OPCML: variants seen among roughly 807,000 people sequenced by gnomAD.
OPCML encodes opioid binding protein/cell adhesion molecule like, also known as opioid-binding protein/cell adhesion molecule.
In OPCML, 13 loss-of-function variants were observed where a neutral mutation model predicts 37.8. That is an observed-to-expected ratio of 0.34 (90% CI 0.22 to 0.55). The LOEUF (loss-of-function observed/expected upper bound fraction) is 0.55. Ranked by LOEUF, OPCML falls within the 20% of genes least tolerant of loss-of-function variation. The pLI, the probability that OPCML is intolerant of heterozygous loss-of-function variation, is 0.91. For synonymous variants in OPCML, 176 were observed against 168.8 expected (o/e 1.04, Z -0.33); for missense variants, 341 against 435.6 (o/e 0.78, Z 1.93).
chr11:133,390,233 A>T (rs1248796745), intron 1 of OPCML, among the ~76,000 whole-genome samples: 1 of 152,102 alleles, frequency 6.6e-6, no homozygotes, highest in African/African-American at 2.4e-5. Flanking sequence ...GCCGAGGCGG[A>T]CGGATCACGA....
At chr11:132,960,389 A>G (rs1242071719) in intron 1 of OPCML, among the ~76,000 whole-genome samples, 2 of 152,212 alleles carry the variant, frequency 1.3e-5, no homozygotes, top group Non-Finnish European at 2.9e-5. Context: ...CCACGTGTGT[A>G]AAAAGCACAA....
intron 1 of OPCML, among the ~76,000 whole-genome samples, chr11:133,430,801 A>G (rs575700505): frequency 6.6e-6 from 1 of 152,326 alleles, no homozygotes; most frequent in African/African-American, 2.4e-5. Flanking sequence ...CAATCACAAT[A>G]AAATGAGGTA....
At chr11:133,041,592 G>T (rs780784029) in intron 1 of OPCML, among the ~76,000 whole-genome samples, 1 of 152,146 alleles carries the variant, frequency 6.6e-6, no homozygotes, top group Non-Finnish European at 1.5e-5. Context: ...CAACTGCGTC[G>T]CATATACCCT....
At chr11:132,538,864 T>G (rs1435132577) in intron 3 of OPCML, among the ~76,000 whole-genome samples, 1 of 152,190 alleles carries the variant, frequency 6.6e-6, no homozygotes, top group East Asian at 1.9e-4. Context: ...CTTTTGCATG[T>G]GCTGTTCCTT....
chr11:132,667,823 C>T (rs1942287764), intron 2 of OPCML, among the ~76,000 whole-genome samples: 2 of 152,228 alleles, frequency 1.3e-5, no homozygotes, highest in Non-Finnish European at 1.5e-5. Context: ...TATAGTGGGA[C>T]TTATAGGCTA....
At chr11:132,874,952 A>G (rs1302433300) in intron 2 of OPCML, among the ~76,000 whole-genome samples, 1 of 152,202 alleles carries the variant, frequency 6.6e-6, no homozygotes, top group Non-Finnish European at 1.5e-5. Flanking sequence ...ATCAGAAATG[A>G]TTTAAGATAA....
rs150535408 is a variant in OPCML, at chr11:132,642,986, T to C, written c.379+14101A>G. Among the ~76,000 whole-genome samples, 458 of 152,302 alleles carry C rather than the reference T, an allele frequency of 3.0e-3. 6 individuals are homozygous for C. In the East Asian group the frequency reaches 0.051, roughly 17 times the overall value. On this transcript the variant is annotated intron_variant, in intron 3 of 7. Coordinates refer to ENST00000524381, the MANE Select transcript of OPCML (RefSeq NM_001012393.5). ...AAGCCCAACCCTCAGTGGCCAGCAA[T>C]GTGATTAGTTCTCAGTGGTGGTGTG...
intron 1 of OPCML, among the ~76,000 whole-genome samples, chr11:133,126,558 T>C (rs770991782): frequency 3.3e-5 from 5 of 152,218 alleles, no homozygotes; most frequent in Non-Finnish European, 7.4e-5. Context: ...CATCTAAATG[T>C]AATGTGTTAC....
At chr11:132,477,927 A>T (rs1045952400) in intron 4 of OPCML, among the ~76,000 whole-genome samples, 2 of 152,262 alleles carry the variant, frequency 1.3e-5, no homozygotes, top group Non-Finnish European at 2.9e-5. Flanking sequence ...TAAAAGGGAA[A>T]TACTTTATCA....
At chr11:133,140,887 G>GGAGAAGGAGAAGGAGA in intron 1 of OPCML, among the ~76,000 whole-genome samples, 2 of 28,232 alleles carry the variant, frequency 7.1e-5, no homozygotes, top group African/African-American at 1.3e-4. Context: ...AGACGACGAC[G>GGAGAAGGAGAAGGAGA]ACGACGAAGA....
At chr11:132,953,594 T>G (rs1945910967) in intron 1 of OPCML, among the ~76,000 whole-genome samples, 1 of 152,212 alleles carries the variant, frequency 6.6e-6, no homozygotes. Flanking sequence ...AAAATGTGTT[T>G]TTTAAATGTT....
intron 1 of OPCML, among the ~76,000 whole-genome samples, chr11:133,439,021 T>G (rs1565634022): frequency 6.6e-6 from 1 of 152,152 alleles, no homozygotes; most frequent in South Asian, 2.1e-4. Flanking sequence ...TTCTATTCTG[T>G]ATAATCAGCT....
chr11:132,940,865 A>C (rs142440515), intron 2 of OPCML, among the ~76,000 whole-genome samples: 2 of 152,328 alleles, frequency 1.3e-5, no homozygotes, highest in East Asian at 3.9e-4. Flanking sequence ...ATCTGATAAA[A>C]ATGAAGGAAG....
intron 4 of OPCML, among the ~76,000 whole-genome samples, chr11:132,468,610 T>A (rs1216973605): frequency 1.3e-5 from 2 of 152,206 alleles, no homozygotes; most frequent in Non-Finnish European, 2.9e-5. Context: ...TCAGAAAACA[T>A]CCCAAGTATT....
Position 132,525,652 on chromosome 11 carries a change from C to A in OPCML, c.505+3409G>T, listed in dbSNP as rs528979924. On this transcript the variant is annotated intron_variant, in intron 4 of 7. Transcript: ENST00000524381. ...CTGAAAATAAATATTGGCAGTCACC[C>A]TGCAGATGCAAATTTTAAACTTACA... 4.6e-5 allele frequency among the ~76,000 whole-genome samples: 7 copies of A among 152,252 alleles called. No homozygotes were observed. In the South Asian group the frequency reaches 1.4e-3, roughly 32 times the overall value.
chr11:132,540,290 T>C (rs1431514969), intron 3 of OPCML, among the ~76,000 whole-genome samples: 1 of 152,314 alleles, frequency 6.6e-6, no homozygotes, highest in Non-Finnish European at 1.5e-5. Context: ...CCGGGGATCC[T>C]TATAATTAAG....
chr11:132,846,495 G>T (rs1941548092), intron 2 of OPCML, among the ~76,000 whole-genome samples: 1 of 152,164 alleles, frequency 6.6e-6, no homozygotes, highest in Non-Finnish European at 1.5e-5. Context: ...GAAGAAATGT[G>T]TTTTAAATCC....
At chr11:133,091,088 C>T (rs1948898237) in intron 1 of OPCML, among the ~76,000 whole-genome samples, 1 of 152,206 alleles carries the variant, frequency 6.6e-6, no homozygotes, top group Non-Finnish European at 1.5e-5. Flanking sequence ...TTCTCACATT[C>T]TGCTGCAATG....
chr11:133,482,067 T>A (rs907200863), intron 1 of OPCML, among the ~76,000 whole-genome samples: 5 of 152,142 alleles, frequency 3.3e-5, no homozygotes, highest in African/African-American at 1.2e-4. Context: ...GTAAAGCAGA[T>A]AGCTCTGTCA....
Sources: allele counts gnomAD v4.1 joint callset (sites outside exome capture counted in the v4.1 genomes callset), GRCh38; gene constraint gnomAD v4.1.1; transcripts MANE v1.5; gene names NCBI Gene and HGNC (gene_info 2026-07-23, HGNC 2026-07-21).